Variants in ZMYM2 observed in about 807,000 individuals in gnomAD.
The protein encoded by ZMYM2 is zinc finger MYM-type protein 2.
In ZMYM2, 56 loss-of-function variants were observed where a neutral mutation model predicts 162.8. The observed-to-expected ratio is 0.34, with a 90% CI of 0.28 to 0.43. The LOEUF is 0.43. Ranked by LOEUF, ZMYM2 falls within the 20% of genes least tolerant of loss-of-function variation. ZMYM2 has a pLI of 1.00. For synonymous variants in ZMYM2, 510 were observed against 541.6 expected (o/e 0.94, Z 0.81); for missense variants, 1,275 against 1,621.8 (o/e 0.79, Z 3.67).
chr13:20,003,093 C>G lies in ZMYM2; in HGVS notation c.1091C>G (p.Ser364Cys). ...FCSTTCLSSF[S>C]HKPAPKKLCV... ...TCTACCACCTGCCTTTCTTCCTTCT[C>G]CCACAAGCCTGCTCCAAAGAAACTC... is the stretch of plus-strand genomic sequence containing the variant. The change falls in exon 4 of 25, where the codon TCC becomes TGC. Residue 364 changes from serine to cysteine, a missense_variant. Transcript: ENST00000610343. The G allele has an allele frequency of 6.2e-7, 1 of 1,614,170 alleles. No homozygotes were observed. The highest frequency in any genetic ancestry group is 1.1e-5 in the South Asian group (1 of 91,090).
chr13:19,948,056 A>G, the ZMYM2 span, among the ~76,000 whole-genome samples: 1 of 152,252 alleles, frequency 6.6e-6, no homozygotes, highest in South Asian at 2.1e-4. Flanking sequence ...AAAATGAGAT[A>G]CCACTATATA....
chr13:19,869,887 A>G, the ZMYM2 span, among the ~76,000 whole-genome samples: 2 of 152,258 alleles, frequency 1.3e-5, no homozygotes, highest in African/African-American at 4.8e-5. Context: ...ATAGTCTATT[A>G]CTGCCTAACA....
chr13:19,885,870 TATGTATATACAC>T, the ZMYM2 span, among the ~76,000 whole-genome samples: 73 of 112,772 alleles, frequency 6.5e-4, 13 homozygotes, highest in African/African-American at 1.4e-3. Context: ...AAAATATATA[TATGTATATACAC>T]ATATATATGT....
At chr13:19,865,332 C>A in the ZMYM2 span, among the ~76,000 whole-genome samples, 1 of 152,188 alleles carries the variant, frequency 6.6e-6, no homozygotes, top group Non-Finnish European at 1.5e-5. Context: ...CCGCATGCAA[C>A]CCCCAAGGGC....
At chr13:19,987,268 A>AT (rs897673407) in intron 2 of ZMYM2, among the ~76,000 whole-genome samples, 18 of 149,186 alleles carry the variant, frequency 1.2e-4, no homozygotes, top group African/African-American at 1.2e-4. Flanking sequence ...TGCAGCTCTT[A>AT]TTTTTTTTTT....
Position 19,993,296 on chromosome 13 carries a change from T to C in ZMYM2, c.224T>C (p.Val75Ala). 1 of 1,613,944 alleles carries C rather than the reference T, an allele frequency of 6.2e-7. No homozygotes were observed. The highest frequency in any genetic ancestry group is 8.5e-7 in the Non-Finnish European group (1 of 1,179,886). Residue 75 changes from valine to alanine, a missense_variant, in exon 3 of 25, where the codon GTG (valine) becomes GCG (alanine). By Grantham distance (64) the Val-to-Ala change is moderately conservative. This residue lies in a region of ZMYM2 where 295 missense variants were observed against 286.7 expected (regional missense o/e 1.03). Coordinates refer to ENST00000610343, the MANE Select transcript of ZMYM2 (RefSeq NM_197968.4). ...PVQPPPPSVP[V>A]VADQRTITFT... Reference sequence around the variant, plus strand: ...CAACCTCCCCCACCTTCTGTACCAGTGGTAGCTGATCAAAGAACCATAACA... The same window carrying C: ...CAACCTCCCCCACCTTCTGTACCAGCGGTAGCTGATCAAAGAACCATAACA...
the ZMYM2 span, among the ~76,000 whole-genome samples, chr13:19,892,758 G>A: frequency 6.7e-5 from 10 of 148,582 alleles, no homozygotes; most frequent in South Asian, 1.1e-3. Flanking sequence ...TGTGTCACCC[G>A]GGCTGGGTTG....
At chr13:19,912,699 G>A in the ZMYM2 span, among the ~76,000 whole-genome samples, 1 of 152,112 alleles carries the variant, frequency 6.6e-6, no homozygotes, top group African/African-American at 2.4e-5. Context: ...TACATTGATG[G>A]TACCATGTTG....
chr13:19,921,912 A>AT, the ZMYM2 span, among the ~76,000 whole-genome samples: 108,168 of 149,924 alleles, frequency 0.72, 40,063 homozygotes, highest in East Asian at 0.84. Context: ...AGTTACAAGT[A>AT]TTTTTTTTTT....
intron 7 of ZMYM2, 67 bp downstream of exon 7, chr13:20,019,685 T>C (rs1167322744): frequency 2.2e-6 from 3 of 1,372,872 alleles, no homozygotes; most frequent in Middle Eastern, 1.8e-4. Flanking sequence ...CTGTCATTAA[T>C]ATGTATCTGA....
At chr13:20,047,212 T>C (rs536172183) in intron 12 of ZMYM2, among the ~76,000 whole-genome samples, 43 of 152,344 alleles carry the variant, frequency 2.8e-4, no homozygotes, top group African/African-American at 9.9e-4. Flanking sequence ...GCAGCCATTA[T>C]TGTAATCAAA....
the ZMYM2 span, among the ~76,000 whole-genome samples, chr13:19,933,483 T>A: frequency 7.2e-5 from 11 of 152,206 alleles, no homozygotes; most frequent in African/African-American, 2.7e-4. Flanking sequence ...TTAAGTTTTT[T>A]AATCAGATAA....
chr13:19,881,164 G>C, the ZMYM2 span, among the ~76,000 whole-genome samples: 1 of 152,146 alleles, frequency 6.6e-6, no homozygotes, highest in African/African-American at 2.4e-5. Flanking sequence ...TGGGATTAAA[G>C]GCGTGAGCCA....
chr13:20,077,336 TTTA>T (rs1345909769), intron 21 of ZMYM2, among the ~76,000 whole-genome samples: 1 of 150,586 alleles, frequency 6.6e-6, no homozygotes, highest in Non-Finnish European at 1.5e-5. Context: ...TCAGCATTTT[TTTA>T]TGAGGAAGTA....
the ZMYM2 span, among the ~76,000 whole-genome samples, chr13:19,893,199 G>C: frequency 6.9e-6 from 1 of 144,234 alleles, no homozygotes; most frequent in Admixed American, 6.9e-5. Context: ...TTGGGAGGCC[G>C]AGGTGGGCCG....
upstream of ZMYM2, among the ~76,000 whole-genome samples, chr13:19,955,958 A>G (rs547860656): frequency 3.6e-4 from 54 of 152,054 alleles, no homozygotes; most frequent in African/African-American, 1.3e-3. Flanking sequence ...ATAGATTAAT[A>G]CACACACACA....
intron 3 of ZMYM2, among the ~76,000 whole-genome samples, chr13:19,997,570 A>AAATGTTGTGTGTGTT (rs1950108493): frequency 6.6e-6 from 1 of 152,188 alleles, no homozygotes; most frequent in African/African-American, 2.4e-5. Flanking sequence ...TTACAGAAAT[A>AAATGTTGTGTGTGTT]CATTGTAATA....
At chr13:19,883,614 C>T in the ZMYM2 span, among the ~76,000 whole-genome samples, 1 of 152,124 alleles carries the variant, frequency 6.6e-6, no homozygotes, top group Admixed American at 6.5e-5. Context: ...GGGTTAAAAC[C>T]AGCTTTAAAA....
the ZMYM2 span, among the ~76,000 whole-genome samples, chr13:19,919,167 G>A: frequency 3.3e-5 from 5 of 150,028 alleles, no homozygotes; most frequent in Non-Finnish European, 7.4e-5. Context: ...ATGCCTTTGC[G>A]ATCCATCCAA....
Sources: allele counts gnomAD v4.1 joint callset (sites outside exome capture counted in the v4.1 genomes callset), GRCh38; gene constraint gnomAD v4.1.1; regional missense constraint gnomAD v4.1.1; transcripts MANE v1.5; gene names NCBI Gene and HGNC (gene_info 2026-07-23, HGNC 2026-07-21).